ATRN: variants seen among roughly 807,000 people sequenced by gnomAD.
The protein encoded by ATRN is attractin-2.
In ATRN, 54 loss-of-function variants were observed where a neutral mutation model predicts 178.7. That is an observed-to-expected ratio of 0.30 (90% CI 0.24 to 0.38). ATRN has a LOEUF of 0.38. Among genes scored for constraint, ATRN ranks in the 10% least tolerant of loss-of-function variants. The probability of loss-of-function intolerance (pLI) is 1.00; values close to 1 mark genes in which losing one functional copy is unlikely to be tolerated. For missense variants in ATRN, 1,443 were observed against 1,815.1 expected (o/e 0.79, Z 3.73); for synonymous variants, 636 against 663.0 (o/e 0.96, Z 0.63).
intron 24 of ATRN, among the ~76,000 whole-genome samples, chr20:3,612,551 C>T (rs138450491): frequency 1.2e-4 from 18 of 152,250 alleles, no homozygotes; most frequent in African/African-American, 4.3e-4. Context: ...ATAGAGCTTG[C>T]AGGGGTTTCG....
At chr20:3,487,643 A>G (rs1156693360) in intron 1 of ATRN, among the ~76,000 whole-genome samples, 1 of 152,182 alleles carries the variant, frequency 6.6e-6, no homozygotes, top group Non-Finnish European at 1.5e-5. Flanking sequence ...GACTTTATCA[A>G]TGGACATATG....
At chr20:3,494,263 T>A (rs2084847084) in intron 1 of ATRN, among the ~76,000 whole-genome samples, 1 of 152,176 alleles carries the variant, frequency 6.6e-6, no homozygotes, top group Admixed American at 6.5e-5. Context: ...TGCCACAATA[T>A]GGTCTGCTCA....
chr20:3,583,560 G>A (rs575898989), intron 16 of ATRN, among the ~76,000 whole-genome samples: 65 of 152,280 alleles, frequency 4.3e-4, no homozygotes, highest in Middle Eastern at 3.4e-3. Flanking sequence ...TGTAATCCCA[G>A]CACTTTAGGA....
At chr20:3,541,916 T>C (rs1361229815) in intron 3 of ATRN, among the ~76,000 whole-genome samples, 2 of 152,204 alleles carry the variant, frequency 1.3e-5, no homozygotes, top group African/African-American at 4.8e-5. Flanking sequence ...ATGTCCCATG[T>C]GGATGAGGGA....
At chr20:3,635,023 G>A (rs891976796) in intron 26 of ATRN, among the ~76,000 whole-genome samples, 3 of 152,014 alleles carry the variant, frequency 2.0e-5, no homozygotes, top group East Asian at 1.9e-4. Context: ...GTGTATGTGC[G>A]TGTGTATGTA....
chr20:3,602,085 G>A (rs1472523135), intron 23 of ATRN, among the ~76,000 whole-genome samples: 1 of 151,822 alleles, frequency 6.6e-6, no homozygotes. Context: ...TCCCAGCACT[G>A]TGGGAAGCCA....
chr20:3,476,530 G>A (rs767394849), intron 1 of ATRN, among the ~76,000 whole-genome samples: 1 of 152,220 alleles, frequency 6.6e-6, no homozygotes, highest in African/African-American at 2.4e-5. Flanking sequence ...TCTGGCTGAC[G>A]ATCTGAGGAC....
At chr20:3,497,896 CTTCATTTCA>C (rs1236607413) in intron 1 of ATRN, among the ~76,000 whole-genome samples, 4 of 152,006 alleles carry the variant, frequency 2.6e-5, no homozygotes, top group Non-Finnish European at 5.9e-5. Flanking sequence ...TCCCTTCTCG[CTTCATTTCA>C]TTCATTTCAT....
chr20:3,632,500 C>T lies in ATRN; in HGVS notation c.3864-1811C>T, dbSNP rs2086996686. ...ATCCCAGGCACGGCCTTGCCTCGGG[C>T]TTTGCACTGACTGCTCCTTTTTCCA... is the stretch of plus-strand genomic sequence containing the variant. On this transcript the variant is annotated intron_variant, in intron 25 of 28. Transcript: ENST00000262919. This position sits in a 1 kb window ranked among gnomAD's most constrained non-coding sequence, Gnocchi z 4.2. 1.3e-5 allele frequency among the ~76,000 whole-genome samples: 2 copies of T among 152,174 alleles called. No individual in the cohort carries two copies. The highest frequency in any genetic ancestry group is 4.1e-4 in the South Asian group (2 of 4,830).
chr20:3,569,380 A>G (rs954739850), intron 11 of ATRN, among the ~76,000 whole-genome samples: 2 of 152,152 alleles, frequency 1.3e-5, no homozygotes, highest in African/African-American at 4.8e-5. Context: ...ATGCAATGTA[A>G]GTATTTGTGT....
In ATRN at chr20:3,527,896, C is replaced by T. The variant is rs28850954; in HGVS notation, c.411-7357C>T. Among the ~76,000 whole-genome samples the T allele has an allele frequency of 1.2e-4, 17 of 141,180 alleles. 2 individuals are homozygous for T. Among genetic ancestry groups the T allele is most frequent in the African/African-American group, 4.4e-4 (17 of 38,210 alleles). 92.6% of individuals were successfully genotyped at this position (141,180 alleles called of 152,430 possible). A position where few individuals can be genotyped will look rare whatever the true frequency, so the allele number is the denominator to read the frequency against. On this transcript the variant is annotated intron_variant, in intron 1 of 28. Transcript: ENST00000262919. The stretch of plus-strand genomic sequence containing the variant: ...GAACACATGAACACAGGGAGGGGAA[C>T]ATCGCATACTGGGGCCTGTTGGGAG...
chr20:3,596,256 A>G (rs1374873010), intron 20 of ATRN, 121 bp from the exon 21 acceptor site: 14 of 1,002,042 alleles, frequency 1.4e-5, no homozygotes, highest in Non-Finnish European at 2.1e-5. Context: ...GTTATGGTGA[A>G]GGATGCAATT....
intron 1 of ATRN, among the ~76,000 whole-genome samples, chr20:3,495,289 A>G (rs1287886604): frequency 6.6e-6 from 1 of 152,186 alleles, no homozygotes; most frequent in African/African-American, 2.4e-5. Context: ...AAGATCATAT[A>G]TGGAAAGTTT....
chr20:3,555,124 C>T (rs574624722), intron 6 of ATRN, among the ~76,000 whole-genome samples: 4 of 151,694 alleles, frequency 2.6e-5, no homozygotes, highest in African/African-American at 4.8e-5. Context: ...GCCTCAGCCT[C>T]CCGAGTAGCT....
Position 3,584,766 on chromosome 20 carries a change from C to T in ATRN, c.3070C>T (p.Pro1024Ser). 6.2e-7 allele frequency: 1 copy of T among 1,614,076 alleles called. No homozygotes were observed. Among genetic ancestry groups the T allele is most frequent in the Non-Finnish European group, 8.5e-7 (1 of 1,180,004 alleles). ...GKCIEGSYKGPVKMPSQAPTG... is the reference protein window; with the variant it reads ...GKCIEGSYKGSVKMPSQAPTG... ...ATGCATAGAGGGTTCCTATAAAGGA[C>T]CAGTGAAGATGCCTTCGCAAGCCCC... The change falls in exon 18 of 29, where the codon CCA (proline) becomes TCA (serine). Residue 1024 changes from proline (P) to serine (S), a missense_variant. This residue lies in a region of ATRN where 80 missense variants were observed against 71.5 expected (regional missense o/e 1.12). Coordinates refer to ENST00000262919, the MANE Select transcript of ATRN (RefSeq NM_139321.3).
At chr20:3,612,443 A>C (rs73893046) in intron 24 of ATRN, among the ~76,000 whole-genome samples, 6,049 of 152,244 alleles carry the variant, frequency 0.04, 374 homozygotes, top group African/African-American at 0.13. Flanking sequence ...GGTCAGGCCT[A>C]CCCACACAGG....
chr20:3,562,013 A>T (rs2085959297), intron 8 of ATRN, among the ~76,000 whole-genome samples: 1 of 152,236 alleles, frequency 6.6e-6, no homozygotes, highest in Admixed American at 6.5e-5. Context: ...CATGTAAGCC[A>T]CTTCGCCTGG....
chr20:3,539,340 G>A (rs534601662), intron 2 of ATRN, among the ~76,000 whole-genome samples: 14 of 152,290 alleles, frequency 9.2e-5, no homozygotes, highest in African/African-American at 2.9e-4. Flanking sequence ...GGTAGGGCAG[G>A]TATTTGGTAG....
chr20:3,552,469 C>T (rs1359094096), intron 6 of ATRN, among the ~76,000 whole-genome samples: 1 of 152,176 alleles, frequency 6.6e-6, no homozygotes, highest in African/African-American at 2.4e-5. Flanking sequence ...CTTCTATTTA[C>T]TTAAGGCAGA....
Sources: gnomAD v4.1 joint callset for allele counts (sites outside exome capture counted in the v4.1 genomes callset) on GRCh38, gnomAD v4.1.1 for gene constraint, gnomAD v4.1.1 regional missense constraint, Gnocchi (gnomAD v3.1) non-coding constraint, MANE v1.5 for transcripts, NCBI Gene and HGNC (gene_info 2026-07-23, HGNC 2026-07-21) for gene names.